The following TEX35 variants were observed in gnomAD, a reference collection of about 807,000 sequenced individuals.
TEX35 encodes the protein testis expressed 35.
TEX35 carries 26 observed loss-of-function variants against 31.9 expected under a neutral mutation model. That is an observed-to-expected ratio of 0.81 (90% CI 0.60 to 1.13). The LOEUF is 1.13. TEX35 is among the 50% of genes most tolerant of loss of function. The pLI is 0.00. For synonymous variants in TEX35, 87 were observed against 90.7 expected (o/e 0.96, Z 0.23); for missense variants, 278 against 273.5 (o/e 1.02, Z -0.12).
chr1:178,516,772 T>G (rs1054320540), intron 5 of TEX35, 98 bp downstream of exon 5: 7 of 721,206 alleles, frequency 9.7e-6, no homozygotes, highest in Non-Finnish European at 1.6e-5. Context: ...TATTATCTAC[T>G]AGTAGTCCCA....
chr1:178,517,395 T>G (rs1190462683), intron 5 of TEX35, among the ~76,000 whole-genome samples: 1 of 152,166 alleles, frequency 6.6e-6, no homozygotes, highest in East Asian at 1.9e-4. Flanking sequence ...TGAATAAAAA[T>G]CTCCAGGGTG....
At position 178,513,233 on chromosome 1, in the gene TEX35, A is replaced by G; in HGVS notation, c.39+6A>G. 6.2e-7 allele frequency: 1 copy of G among 1,614,228 alleles called. No homozygotes were observed. Among genetic ancestry groups the G allele is most frequent in the East Asian group, 2.2e-5 (1 of 44,892 alleles). On this transcript the variant is annotated splice_donor_region_variant and intron_variant, in intron 1 of 8. Transcript: ENST00000319416. ...AATTGAAGAAAACACATCTGGTAAA[A>G]GAGAGACATTGCTGGACAGTGTGGG...
chr1:178,514,573 G>T (rs980570296), intron 2 of TEX35, 127 bp from the exon 3 acceptor site: 3 of 886,386 alleles, frequency 3.4e-6, no homozygotes, highest in African/African-American at 3.4e-5. Flanking sequence ...CACAGGTGGG[G>T]CCACCAGCTT....
At chr1:178,521,062 G>A in intron 7 of TEX35, 160 bp from the exon 8 acceptor site, 2 of 1,562,610 alleles carry the variant, frequency 1.3e-6, no homozygotes, top group East Asian at 2.3e-5. Flanking sequence ...AGCCTCCTTA[G>A]CTGTGACCAT....
At chr1:178,518,655 T>C (rs1650162247) in intron 5 of TEX35, among the ~76,000 whole-genome samples, 1 of 152,110 alleles carries the variant, frequency 6.6e-6, no homozygotes, top group East Asian at 1.9e-4. Context: ...TGGAAAGAAA[T>C]ATACCAAAGG....
Position 178,522,509 on chromosome 1 carries a change from G to A in TEX35, c.*69G>A, listed in dbSNP as rs933932868. On this transcript the variant is annotated 3_prime_UTR_variant, in exon 9 of 9. Coordinates refer to ENST00000319416, the MANE Select transcript of TEX35 (RefSeq NM_032126.5). ...CAAACAGTGTTTCAGAAACTGTCCT[G>A]CCCTGGGTGTGATTCTTTGGCTTCA... 7.0e-7 allele frequency: 1 copy of A among 1,432,030 alleles called. No individual in the cohort carries two copies. The highest frequency in any genetic ancestry group is 9.3e-7 in the Non-Finnish European group (1 of 1,079,004). The allele number at this position is 1,432,030 out of a possible 1,614,324, so 88.7% of individuals were successfully genotyped here.
At chr1:178,518,507 A>G (rs1650157958) in intron 5 of TEX35, among the ~76,000 whole-genome samples, 1 of 152,198 alleles carries the variant, frequency 6.6e-6, no homozygotes, top group Non-Finnish European at 1.5e-5. Flanking sequence ...ATACTTATAT[A>G]ATAAAAGTTA....
chr1:178,520,325 C>T, intron 5 of TEX35, 47 bp from the exon 6 acceptor site: 1 of 1,581,410 alleles, frequency 6.3e-7, no homozygotes, highest in South Asian at 1.2e-5. Flanking sequence ...AAGGTATTTC[C>T]AAAGTCCTTC....
intron 5 of TEX35, among the ~76,000 whole-genome samples, chr1:178,519,462 C>G (rs181108891): frequency 6.6e-6 from 1 of 152,226 alleles, no homozygotes; most frequent in East Asian, 1.9e-4. Context: ...CATTTTGACT[C>G]TGATGTTTTG....
chr1:178,523,107 C>A (rs1385022493), downstream of TEX35, among the ~76,000 whole-genome samples: 1 of 152,198 alleles, frequency 6.6e-6, no homozygotes, highest in African/African-American at 2.4e-5. Flanking sequence ...CCAGTTCCAT[C>A]CACATTGTTG....
chr1:178,514,927 T>C (rs922255299), intron 3 of TEX35, among the ~76,000 whole-genome samples, 159 bp downstream of exon 3: 1 of 152,194 alleles, frequency 6.6e-6, no homozygotes, highest in East Asian at 1.9e-4. Context: ...ACAATACTCA[T>C]CTATAGCCCT....
At chr1:178,513,974 C>T in intron 1 of TEX35, 53 bp from the exon 2 acceptor site, 1 of 1,597,454 alleles carries the variant, frequency 6.3e-7, no homozygotes, top group Non-Finnish European at 8.5e-7. Context: ...CAGATGTTCT[C>T]CTCCCCAATC....
At chr1:178,514,104 G>A in intron 2 of TEX35, 27 bp downstream of exon 2, 1 of 1,614,166 alleles carries the variant, frequency 6.2e-7, no homozygotes, top group South Asian at 1.1e-5. Context: ...AGGCCATGCA[G>A]GCAGCCAGGC....
At chr1:178,513,275 A>G (rs1408203053) in intron 1 of TEX35, 48 bp downstream of exon 1, 2 of 1,611,360 alleles carry the variant, frequency 1.2e-6, no homozygotes, top group Admixed American at 1.7e-5. Flanking sequence ...CTGAGCTCCT[A>G]CTGAATGGAG....
intron 2 of TEX35, 40 bp from the exon 3 acceptor site, chr1:178,514,660 T>C: frequency 6.3e-7 from 1 of 1,598,988 alleles, no homozygotes; most frequent in Non-Finnish European, 8.6e-7. Context: ...ACCGCCCATC[T>C]GCAATTCCCA....
At chr1:178,520,346 T>G (rs773088882) in intron 5 of TEX35, 26 bp from the exon 6 acceptor site, 1 of 1,608,666 alleles carries the variant, frequency 6.2e-7, no homozygotes, top group South Asian at 1.1e-5. Context: ...AAAATGAAGA[T>G]GCTAGTTCTG....
downstream of TEX35, chr1:178,523,366 A>G (rs1400308049): frequency 3.0e-6 from 2 of 672,376 alleles, no homozygotes; most frequent in African/African-American, 1.8e-5. Context: ...TTGAGGAACA[A>G]CCTCCAAACT....
rs758130970 is a variant in TEX35, at chr1:178,514,763, C to G, written c.154C>G (p.Leu52Val). 3.1e-6 allele frequency: 5 copies of G among 1,613,554 alleles called. No individual in the cohort carries two copies. In the Admixed American group the frequency reaches 5.0e-5, roughly 16 times the overall value. The change falls in exon 3 of 9, where the codon CTA becomes GTA. Residue 52 changes from leucine to valine, a missense_variant. Coordinates refer to ENST00000319416, the MANE Select transcript of TEX35 (RefSeq NM_032126.5). ...TACCAAAGCAGGAGTGACACAGGAC[C>G]TAAAGGTGAGTGCGTGAACTTGGAG... is the stretch of plus-strand genomic sequence containing the variant. ...RFTKAGVTQD[L>V]KNELREVREE...
In TEX35 at chr1:178,520,390, G is replaced by A; in HGVS notation, c.295G>A (p.Asp99Asn). The A allele has an allele frequency of 6.2e-7, 1 of 1,614,092 alleles. No homozygotes were observed. Among genetic ancestry groups the A allele is most frequent in the East Asian group, 2.2e-5 (1 of 44,888 alleles). ...CTCGAAGGAAATGCAGAAAGATATG[G>A]ATGAGAAGATGGACATTTTAATAAA... ...EIMKEMQKDM[D>N]EKMDILINTQ... Residue 99 changes from aspartate to asparagine, a missense_variant, in exon 6 of 9, where the codon GAT (aspartate) becomes AAT (asparagine). Asp to Asn is a conservative substitution (Grantham distance 23). Coordinates refer to ENST00000319416, the MANE Select transcript of TEX35 (RefSeq NM_032126.5).
Sources: allele counts gnomAD v4.1 joint callset (sites outside exome capture counted in the v4.1 genomes callset), GRCh38; gene constraint gnomAD v4.1.1; transcripts MANE v1.5; gene names NCBI Gene and HGNC (gene_info 2026-07-23, HGNC 2026-07-21).